LPP: variants seen among roughly 807,000 people sequenced by gnomAD.
The protein encoded by LPP is LIM domain containing preferred translocation partner in lipoma.
Under a neutral mutation model 60.4 loss-of-function variants are expected in LPP, and 38 were observed. The observed-to-expected ratio is 0.63, with a 90% CI of 0.49 to 0.83. The LOEUF (loss-of-function observed/expected upper bound fraction) is 0.83. Ranked by LOEUF, LPP falls within the 40% of genes least tolerant of loss-of-function variation. The pLI is 0.00. For synonymous variants in LPP, 328 were observed against 290.8 expected (o/e 1.13, Z -1.30); for missense variants, 902 against 783.6 (o/e 1.15, Z -1.80).
chr3:188,404,339 G>A (rs1399174393), intron 3 of LPP, among the ~76,000 whole-genome samples: 1 of 152,092 alleles, frequency 6.6e-6, no homozygotes, highest in African/African-American at 2.4e-5. Context: ...CAATCTCCCA[G>A]GCTCAAGTGA....
intron 10 of LPP, among the ~76,000 whole-genome samples, chr3:188,870,650 C>T (rs1025382813): frequency 3.3e-5 from 5 of 152,172 alleles, no homozygotes; most frequent in African/African-American, 9.7e-5. Context: ...CTTTAATCAT[C>T]GAAAGTTGTT....
At chr3:188,178,992 CAAAG>C (rs1451056368) in intron 1 of LPP, 3 of 263,534 alleles carry the variant, frequency 1.1e-5, no homozygotes, top group South Asian at 6.0e-5. Context: ...GAGAGCACGA[CAAAG>C]AGAGAGAGAG....
In LPP at chr3:188,745,009, C is replaced by T. The variant is rs1475316930; in HGVS notation, c.1241-15104C>T. ...CCCCCTTCCTGCTTTTTAGGGAGAA[C>T]AGGGTAAACTGTTCTCCCTATCCTT... On this transcript the variant is annotated intron_variant, in intron 8 of 11. Transcript: ENST00000617246. Among the ~76,000 whole-genome samples the T allele has an allele frequency of 7.9e-5, 12 of 152,062 alleles. No individual in the cohort carries two copies. The East Asian group carries it at 2.1e-3, about 27-fold the overall frequency.
intron 6 of LPP, among the ~76,000 whole-genome samples, chr3:188,533,337 G>C (rs1033505741): frequency 1.3e-5 from 2 of 152,182 alleles, no homozygotes; most frequent in Non-Finnish European, 2.9e-5. Context: ...ACTACAACAT[G>C]CTGATACTGT....
chr3:188,209,296 A>G (rs908672798), intron 1 of LPP, among the ~76,000 whole-genome samples: 1 of 152,252 alleles, frequency 6.6e-6, no homozygotes, highest in Non-Finnish European at 1.5e-5. Context: ...AAGGGATTCA[A>G]TGAGACTGGG....
intron 9 of LPP, among the ~76,000 whole-genome samples, chr3:188,802,263 C>T (rs573675941): frequency 7.9e-4 from 121 of 152,202 alleles, no homozygotes; most frequent in African/African-American, 2.8e-3. Context: ...TTCATTATAA[C>T]TCATGGAATC....
chr3:188,269,133 A>G (rs1173535322), intron 2 of LPP, among the ~76,000 whole-genome samples: 7 of 152,228 alleles, frequency 4.6e-5, no homozygotes, highest in Admixed American at 2.0e-4. Flanking sequence ...ATCATATACT[A>G]TAGTAAATAC....
At chr3:188,583,084 A>G (rs1412197848) in intron 6 of LPP, among the ~76,000 whole-genome samples, 1 of 152,242 alleles carries the variant, frequency 6.6e-6, no homozygotes, top group East Asian at 1.9e-4. Context: ...TTCCTGTAGT[A>G]TAAGACAGTG....
chr3:188,466,841 A>ATATATATATATATAT (rs1560442091), intron 4 of LPP, among the ~76,000 whole-genome samples: 6 of 138,186 alleles, frequency 4.3e-5, no homozygotes, highest in South Asian at 2.3e-4. Context: ...ATATATATAT[A>ATATATATATATATAT]TGCTGTGTAA....
intron 5 of LPP, among the ~76,000 whole-genome samples, chr3:188,486,224 CCTTT>C (rs1806472492): frequency 1.3e-5 from 2 of 152,178 alleles, no homozygotes; most frequent in South Asian, 4.2e-4. Context: ...CTATTATTTG[CCTTT>C]CTTTCTCCTA....
intron 3 of LPP, among the ~76,000 whole-genome samples, chr3:188,376,066 G>A (rs1774972220): frequency 6.6e-6 from 1 of 152,144 alleles, no homozygotes; most frequent in South Asian, 2.1e-4. Flanking sequence ...TGTGGTCTGA[G>A]AGACAGTTTG....
At chr3:188,563,460 ATG>A (rs59514913) in intron 6 of LPP, among the ~76,000 whole-genome samples, 9 of 141,938 alleles carry the variant, frequency 6.3e-5, no homozygotes, top group Non-Finnish European at 9.1e-5. Context: ...TTACATATAT[ATG>A]TGTGTGTGTG....
chr3:188,663,224 A>G (rs1854995087), intron 7 of LPP, among the ~76,000 whole-genome samples: 1 of 152,102 alleles, frequency 6.6e-6, no homozygotes, highest in Admixed American at 6.5e-5. Flanking sequence ...TGGTCTTTCC[A>G]TGTGAGACAT....
At chr3:188,326,045 G>T (rs756488822) in intron 2 of LPP, among the ~76,000 whole-genome samples, 1 of 152,218 alleles carries the variant, frequency 6.6e-6, no homozygotes, top group Non-Finnish European at 1.5e-5. Flanking sequence ...GTTGGAATCT[G>T]ATTTAGGATT....
intron 2 of LPP, among the ~76,000 whole-genome samples, chr3:188,341,004 C>A (rs1206335936): frequency 6.6e-6 from 1 of 152,128 alleles, no homozygotes; most frequent in African/African-American, 2.4e-5. Context: ...ATATCATAAT[C>A]TTCACATACA....
intron 7 of LPP, among the ~76,000 whole-genome samples, chr3:188,637,246 C>G (rs1468901086): frequency 6.6e-6 from 1 of 152,092 alleles, no homozygotes; most frequent in Admixed American, 6.6e-5. Context: ...AACTGACCAA[C>G]CTGCTCCTGA....
chr3:188,484,346 T>C (rs1386570135), intron 4 of LPP, among the ~76,000 whole-genome samples: 1 of 152,222 alleles, frequency 6.6e-6, no homozygotes, highest in Admixed American at 6.5e-5. Flanking sequence ...TCGCTTTGCT[T>C]AATATATTGA....
chr3:188,603,676 C>T (rs1841885293), intron 6 of LPP, among the ~76,000 whole-genome samples: 1 of 152,068 alleles, frequency 6.6e-6, no homozygotes, highest in Non-Finnish European at 1.5e-5. Flanking sequence ...GGTATTTTAG[C>T]TTGTGTTTTC....
intron 6 of LPP, among the ~76,000 whole-genome samples, chr3:188,550,527 G>A (rs1008557753): frequency 1.5e-5 from 2 of 133,938 alleles, no homozygotes; most frequent in African/African-American, 5.8e-5. Flanking sequence ...GCGGTGAGCC[G>A]AGATCACGCC....
Sources: gnomAD v4.1 joint callset for allele counts (sites outside exome capture counted in the v4.1 genomes callset) on GRCh38, gnomAD v4.1.1 for gene constraint, MANE v1.5 for transcripts, NCBI Gene and HGNC (gene_info 2026-07-23, HGNC 2026-07-21) for gene names.